E2F5: variants seen among roughly 807,000 people sequenced by gnomAD.
E2F5 encodes E2F transcription factor 5.
E2F5 carries 23 observed loss-of-function variants against 39.1 expected under a neutral mutation model. The ratio of observed to expected loss-of-function variants is 0.59; its 90% CI spans 0.42 to 0.83. The LOEUF (loss-of-function observed/expected upper bound fraction) is 0.83, where lower values mean the gene tolerates loss of function less well. E2F5 is among the 40% of genes least tolerant of loss of function. The pLI, the probability that E2F5 is intolerant of heterozygous loss-of-function variation, is 0.00. For missense variants in E2F5, 365 were observed against 406.7 expected (o/e 0.90, Z 0.88); for synonymous variants, 145 against 157.8 (o/e 0.92, Z 0.61).
chr8:85,197,577 T>A (rs1812608605), intron 1 of E2F5, among the ~76,000 whole-genome samples: 1 of 152,212 alleles, frequency 6.6e-6, no homozygotes, highest in South Asian at 2.1e-4. Flanking sequence ...GTTTATCATA[T>A]TTTTAGAACA....
intron 1 of E2F5, among the ~76,000 whole-genome samples, chr8:85,193,464 C>CA (rs1302228008): frequency 6.6e-6 from 1 of 152,132 alleles, no homozygotes; most frequent in Non-Finnish European, 1.5e-5. Context: ...GCCTGGGTGA[C>CA]AGAGAATCCA....
rs552145171 is a variant in E2F5 at position 85,205,629 on chromosome 8, T to C, written c.507-548T>C. Among the ~76,000 whole-genome samples the C allele has an allele frequency of 2.0e-5, 3 of 152,332 alleles. No homozygotes were observed. In the East Asian group the frequency reaches 5.8e-4, roughly 29 times the overall value. On this transcript the variant is annotated intron_variant, in intron 3 of 7. Coordinates refer to ENST00000416274, the MANE Select transcript of E2F5 (RefSeq NM_001951.4). ...GGAAACCCCAATAAAAGCTCTGGGC[T>C]AATGCTTTCCCCTTGCTCCTGTCTT... is the stretch of plus-strand genomic sequence containing the variant.
At chr8:85,178,927 C>T (rs2136036346) in intron 1 of E2F5, among the ~76,000 whole-genome samples, 1 of 152,324 alleles carries the variant, frequency 6.6e-6, no homozygotes, top group African/African-American at 2.4e-5. Context: ...CTGAGGCATG[C>T]TGCACATATT....
rs1813046358 is a variant in E2F5 at position 85,214,424 on chromosome 8, A to G, written c.*562A>G. On this transcript the variant is annotated 3_prime_UTR_variant, in exon 8 of 8. Coordinates refer to ENST00000416274, the MANE Select transcript of E2F5 (RefSeq NM_001951.4). ...TTCTGACATTCCACTTTCCTAGGTT[A>G]TAGGAAAGATCTGTTTATGTAGTTT... 4.4e-6 allele frequency: 3 copies of G among 674,552 alleles called. No individual in the cohort carries two copies. The South Asian group carries it at 5.1e-5, about 12-fold the overall frequency. 41.8% of individuals were successfully genotyped at this position (674,552 alleles called of 1,614,324 possible).
At chr8:85,183,387 C>G (rs375936523) in intron 1 of E2F5, among the ~76,000 whole-genome samples, 1 of 152,234 alleles carries the variant, frequency 6.6e-6, no homozygotes, top group African/African-American at 2.4e-5. Context: ...TTCTCAGGAC[C>G]CTTCCACTCC....
chr8:85,206,123 T>C (rs1812797937), intron 3 of E2F5, 54 bp from the exon 4 acceptor site: 1 of 1,558,314 alleles, frequency 6.4e-7, no homozygotes. Flanking sequence ...ATTACCTTAA[T>C]TTAAATGCCT....
At position 85,177,600 on chromosome 8, in the gene E2F5, C is replaced by G. The variant is rs2136035325; in HGVS notation, c.180C>G (p.Thr60=). The G allele has an allele frequency of 7.7e-7, 1 of 1,297,144 alleles. No homozygotes were observed. The highest frequency in any genetic ancestry group is 1.5e-5 in the African/African-American group (1 of 66,252). 80.4% of individuals were successfully genotyped at this position (1,297,144 alleles called of 1,614,324 possible). The change falls in exon 1 of 8, where the codon ACC becomes ACG. Residue 60 remains threonine (T), a synonymous_variant. Transcript: ENST00000416274. ...RHEKSLGLLT[T]KFVSLLQEAK... is the part of the protein sequence containing the mutation. ...AGAAGAGCCTGGGGCTGCTCACTAC[C>G]AAGTTCGTGTCGCTGCTGCAGGAGG...
At chr8:85,183,067 C>T (rs1402680463) in intron 1 of E2F5, among the ~76,000 whole-genome samples, 1 of 152,076 alleles carries the variant, frequency 6.6e-6, no homozygotes, top group Admixed American at 6.6e-5. Flanking sequence ...CTGGCTAACA[C>T]GGTGAAACCC....
chr8:85,178,119 A>G (rs2136035764), intron 1 of E2F5: 1 of 152,258 alleles, frequency 6.6e-6, no homozygotes, highest in South Asian at 2.1e-4. Context: ...CTGTAGTTTA[A>G]ATAAAAAGGA....
At position 85,202,353 on chromosome 8, in the gene E2F5, A is replaced by T. The variant is rs913285417; in HGVS notation, c.344+97A>T. 8.0e-6 allele frequency: 7 copies of T among 874,814 alleles called. No individual in the cohort carries two copies. The Admixed American group carries it at 8.7e-5, about 11-fold the overall frequency. 54.2% of individuals were successfully genotyped at this position (874,814 alleles called of 1,614,324 possible). The stretch of plus-strand genomic sequence containing the variant: ...AATGTTTCTATCTCCCAAATCCTCT[A>T]TTTCAGTCAGGCCCCTCAGCTTTCC... On this transcript the variant is annotated intron_variant, in intron 2 of 7. Transcript: ENST00000416274.
At chr8:85,212,342 C>T in intron 7 of E2F5, 138 bp downstream of exon 7, 2 of 640,344 alleles carry the variant, frequency 3.1e-6, no homozygotes, top group South Asian at 2.1e-5. Context: ...TCTCCCTTAA[C>T]ACTTACAGTA....
At chr8:85,189,819 C>T (rs1812421957) in intron 1 of E2F5, among the ~76,000 whole-genome samples, 1 of 151,796 alleles carries the variant, frequency 6.6e-6, no homozygotes, top group African/African-American at 2.4e-5. Context: ...AAATGTGTGC[C>T]CCGTTGTTCT....
At chr8:85,204,310 T>G (rs1197595765) in intron 3 of E2F5, among the ~76,000 whole-genome samples, 2 of 152,094 alleles carry the variant, frequency 1.3e-5, no homozygotes, top group South Asian at 4.2e-4. Flanking sequence ...GACATCTCCA[T>G]AAACCTTTCT....
chr8:85,186,536 ATATATATATGGTATATACATAAGG>A (rs1294105918), intron 1 of E2F5, among the ~76,000 whole-genome samples: 3 of 149,956 alleles, frequency 2.0e-5, no homozygotes, highest in African/African-American at 7.3e-5. Flanking sequence ...TGTACGGTAT[ATATATATATGGTATATACATAAGG>A]TATATATATG....
intron 1 of E2F5, 85 bp from the exon 2 acceptor site, chr8:85,202,059 CTTG>C (rs776714396): frequency 5.0e-5 from 54 of 1,071,776 alleles, no homozygotes; most frequent in East Asian, 3.9e-4. Flanking sequence ...TGAGATTGGA[CTTG>C]TTGTGGATTT....
chr8:85,197,478 C>A (rs1200166412), intron 1 of E2F5, among the ~76,000 whole-genome samples: 1 of 152,188 alleles, frequency 6.6e-6, no homozygotes, highest in Non-Finnish European at 1.5e-5. Context: ...CCTATCTCAG[C>A]TTTCCTGGTT....
At chr8:85,178,516 G>T (rs1311907418) in intron 1 of E2F5, among the ~76,000 whole-genome samples, 1 of 152,150 alleles carries the variant, frequency 6.6e-6, no homozygotes, top group Admixed American at 6.5e-5. Flanking sequence ...CAGCGCTCAG[G>T]ATAATGAGAA....
chr8:85,184,512 C>T (rs942874327), intron 1 of E2F5, among the ~76,000 whole-genome samples: 2 of 152,144 alleles, frequency 1.3e-5, no homozygotes, highest in African/African-American at 4.8e-5. Flanking sequence ...GAAGTTCTGG[C>T]CAGGGCAGTC....
At chr8:85,185,267 G>T (rs573715083) in intron 1 of E2F5, among the ~76,000 whole-genome samples, 10 of 152,196 alleles carry the variant, frequency 6.6e-5, no homozygotes, top group African/African-American at 2.2e-4. Flanking sequence ...ATGGGGAAAA[G>T]ATTCTCTATT....
Sources: allele counts gnomAD v4.1 joint callset (sites outside exome capture counted in the v4.1 genomes callset), GRCh38; gene constraint gnomAD v4.1.1; transcripts MANE v1.5; gene names NCBI Gene and HGNC (gene_info 2026-07-23, HGNC 2026-07-21).